Variants in CCDC186 observed in about 807,000 individuals in gnomAD.
CCDC186 encodes coiled-coil domain containing 186.
Under a neutral mutation model 113.7 loss-of-function variants are expected in CCDC186, and 49 were observed. That is an observed-to-expected ratio of 0.43 (90% CI 0.34 to 0.55). The LOEUF is 0.55. CCDC186 is among the 20% of genes least tolerant of loss of function. CCDC186 has a pLI of 0.02. For synonymous variants in CCDC186, 355 were observed against 345.8 expected, an observed-to-expected ratio of 1.03 and a Z score of -0.30; for missense variants, 890 against 1,011.1, an observed-to-expected ratio of 0.88 and a Z score of 1.62.
chr10:114,168,854 G>A (rs928424475), intron 1 of CCDC186, among the ~76,000 whole-genome samples: 1 of 152,136 alleles, frequency 6.6e-6, no homozygotes, highest in Admixed American at 6.5e-5. Flanking sequence ...CCTGTCAGGC[G>A]ATTACAAACT....
intron 4 of CCDC186, among the ~76,000 whole-genome samples, chr10:114,150,635 T>G (rs1406601594): frequency 6.6e-6 from 1 of 152,168 alleles, no homozygotes; most frequent in African/African-American, 2.4e-5. Flanking sequence ...TATATATTGC[T>G]TTAGAATTTT....
intron 4 of CCDC186, among the ~76,000 whole-genome samples, chr10:114,146,223 C>G (rs2031637018): frequency 6.6e-6 from 1 of 152,198 alleles, no homozygotes; most frequent in South Asian, 2.1e-4. Context: ...GGCTGATGGC[C>G]ACTCCCCTTG....
chr10:114,145,433 C>A (rs2031605354), intron 5 of CCDC186, 116 bp downstream of exon 5: 1 of 954,582 alleles, frequency 1.0e-6, no homozygotes, highest in Non-Finnish European at 1.5e-6. Context: ...CTAATAAAAA[C>A]AACTTTACGT....
chr10:114,166,111 T>C (rs1347470612), intron 1 of CCDC186, among the ~76,000 whole-genome samples: 1 of 152,198 alleles, frequency 6.6e-6, no homozygotes, highest in Non-Finnish European at 1.5e-5. Context: ...AGGAGTGTTT[T>C]ACACTGTATG....
intron 12 of CCDC186, 38 bp from the exon 13 acceptor site, chr10:114,130,009 G>T: frequency 6.3e-7 from 1 of 1,583,076 alleles, no homozygotes; most frequent in South Asian, 1.1e-5. Context: ...CAATTATCAG[G>T]ACCATTTGCT....
At chr10:114,156,180 A>G (rs1205083740) in intron 3 of CCDC186, among the ~76,000 whole-genome samples, 1 of 152,226 alleles carries the variant, frequency 6.6e-6, no homozygotes, top group African/African-American at 2.4e-5. Context: ...TCAGGATTAA[A>G]TACATACAAT....
rs780856444 is a variant in CCDC186 at position 114,123,228 on chromosome 10, T to C, written c.*1915A>G. On this transcript the variant is annotated 3_prime_UTR_variant, in exon 16 of 16. Coordinates refer to ENST00000369287, the MANE Select transcript of CCDC186 (RefSeq NM_018017.4). ...GCACTTTCCCTCTTATTTTGATAAA[T>C]TATTATTGGTAAAAAGAACAAGACA... 3 of 152,598 alleles carry C rather than the reference T, an allele frequency of 2.0e-5. No homozygotes were observed. Among genetic ancestry groups the C allele is most frequent in the Admixed American group, 6.5e-5 (1 of 15,276 alleles). 9.5% of individuals were successfully genotyped at this position (152,598 alleles called of 1,614,324 possible).
intron 1 of CCDC186, chr10:114,173,081 A>AGAAAAAAAAGCTGGGC: frequency 2.6e-6 from 1 of 377,884 alleles, no homozygotes; most frequent in East Asian, 7.4e-5. Flanking sequence ...TCGTTTTGGA[A>AGAAAAAAAAGCTGGGC]GAAAAAAAAG....
At chr10:114,126,878 C>T (rs1422208108) in intron 14 of CCDC186, among the ~76,000 whole-genome samples, 1 of 152,298 alleles carries the variant, frequency 6.6e-6, no homozygotes, top group East Asian at 1.9e-4. Context: ...GAATTTGGCG[C>T]AGCACTCCTG....
intron 15 of CCDC186, 118 bp downstream of exon 15, chr10:114,125,768 G>T: frequency 1.4e-6 from 1 of 719,970 alleles, no homozygotes; most frequent in East Asian, 2.7e-5. Flanking sequence ...CTTCATCTTT[G>T]GGTAAAATGA....
intron 1 of CCDC186, among the ~76,000 whole-genome samples, chr10:114,169,601 C>T (rs780105563): frequency 6.6e-6 from 1 of 152,148 alleles, no homozygotes; most frequent in Non-Finnish European, 1.5e-5. Flanking sequence ...ATTAAGCAAA[C>T]TGAACTTGAG....
At chr10:114,149,917 T>C (rs2031795387) in intron 4 of CCDC186, among the ~76,000 whole-genome samples, 1 of 152,012 alleles carries the variant, frequency 6.6e-6, no homozygotes, top group African/African-American at 2.4e-5. Flanking sequence ...CTGGCTATGT[T>C]TGGGCCCGCT....
chr10:114,150,749 A>G (rs1207998651), intron 4 of CCDC186, among the ~76,000 whole-genome samples: 1 of 152,096 alleles, frequency 6.6e-6, no homozygotes, highest in African/African-American at 2.4e-5. Flanking sequence ...CCCGGGTTCA[A>G]GTGATTCTCC....
rs560842627 is a variant in CCDC186 at position 114,141,595 on chromosome 10, A to G, written c.1221+2902T>C. On this transcript the variant is annotated intron_variant, in intron 6 of 15. Coordinates refer to ENST00000369287, the MANE Select transcript of CCDC186 (RefSeq NM_018017.4). ...GGGAGCTCTAGGGATTGTTGCCCCT[A>G]TTTCTTCCCCCTCCTCTGTAGTTTC... 1.4e-4 allele frequency among the ~76,000 whole-genome samples: 22 copies of G among 151,766 alleles called. No individual in the cohort carries two copies. The East Asian group carries it at 4.3e-3, about 30-fold the overall frequency.
chr10:114,135,736 A>G (rs1285116589), intron 9 of CCDC186, among the ~76,000 whole-genome samples, 155 bp downstream of exon 9: 1 of 152,176 alleles, frequency 6.6e-6, no homozygotes, highest in Non-Finnish European at 1.5e-5. Context: ...CAACAAAAGA[A>G]GTTGCTAGGA....
chr10:114,139,118 C>G (rs2031375792), intron 6 of CCDC186, among the ~76,000 whole-genome samples: 1 of 152,102 alleles, frequency 6.6e-6, no homozygotes, highest in African/African-American at 2.4e-5. Flanking sequence ...CGACTACTAT[C>G]TGTTGAATTA....
intron 8 of CCDC186, 61 bp downstream of exon 8, chr10:114,136,087 A>C: frequency 1.3e-6 from 2 of 1,519,120 alleles, no homozygotes; most frequent in Non-Finnish European, 1.8e-6. Context: ...ATAAGTTCTC[A>C]CTATTTCTCT....
chr10:114,136,319 C>T, intron 7 of CCDC186, 73 bp from the exon 8 acceptor site: 1 of 986,626 alleles, frequency 1.0e-6, no homozygotes, highest in Non-Finnish European at 1.6e-6. Context: ...ATACTCGTCT[C>T]TAATCCTAAT....
At position 114,123,410 on chromosome 10, in the gene CCDC186, AAATT is replaced by A. The variant is rs2030791013; in HGVS notation, c.*1729_*1732del. 4 of 152,228 alleles carry A rather than the reference AAATT, an allele frequency of 2.6e-5. No individual in the cohort carries two copies. In the South Asian group the frequency reaches 8.3e-4, roughly 31 times the overall value. The allele number at this position is 152,228 out of a possible 1,614,324, so 9.4% of individuals were successfully genotyped here. A position where few individuals can be genotyped will look rare whatever the true frequency, so the allele number is the denominator to read the frequency against. The stretch of plus-strand genomic sequence containing the variant: ...TTCATTAAATAATCTAATCCTTAGT[AAATT>A]ATTTTTAAACGATGTTGATTAAAAA... On this transcript the variant is annotated 3_prime_UTR_variant, in exon 16 of 16. Coordinates refer to ENST00000369287, the MANE Select transcript of CCDC186 (RefSeq NM_018017.4).
Sources: allele counts gnomAD v4.1 joint callset (sites outside exome capture counted in the v4.1 genomes callset), GRCh38; gene constraint gnomAD v4.1.1; transcripts MANE v1.5; gene names NCBI Gene and HGNC (gene_info 2026-07-23, HGNC 2026-07-21).